Variants in MAST4 observed in about 807,000 individuals in gnomAD.
MAST4 encodes microtubule-associated serine/threonine-protein kinase 4.
MAST4 carries 89 observed loss-of-function variants against 162.7 expected under a neutral mutation model. The ratio of observed to expected loss-of-function variants is 0.55; its 90% CI spans 0.46 to 0.65. The LOEUF is 0.65. Ranked by LOEUF, MAST4 falls within the 30% of genes least tolerant of loss-of-function variation. The probability of loss-of-function intolerance (pLI) is 0.00; values close to 1 mark genes in which losing one functional copy is unlikely to be tolerated. For missense variants in MAST4, 3,153 were observed against 3,374.0 expected (o/e 0.93, Z 1.62); for synonymous variants, 1,479 against 1,361.1 (o/e 1.09, Z -1.91).
chr5:67,038,966 G>A (rs1442301864), intron 4 of MAST4, among the ~76,000 whole-genome samples: 1 of 152,064 alleles, frequency 6.6e-6, no homozygotes, highest in African/African-American at 2.4e-5. Context: ...AGAAAACACT[G>A]TTTCTTTTAT....
chr5:67,078,911 A>AATAT (rs750951069), intron 5 of MAST4, among the ~76,000 whole-genome samples: 382 of 37,978 alleles, frequency 0.01, 9 homozygotes, highest in African/African-American at 0.037. Context: ...TTTTTATATA[A>AATAT]ATATATATAT....
rs1561621626 is a variant in MAST4, at chr5:67,078,885, T to TA, written c.764-11277_764-11276insA. On this transcript the variant is annotated intron_variant, in intron 5 of 28. Coordinates refer to ENST00000403625, the MANE Select transcript of MAST4 (RefSeq NM_001164664.2). ...ATAAATATATATTTATATAAATATA[T>TA]TTATATATTTATATATTTTTATATA... Among the ~76,000 whole-genome samples, 449 of 92,334 alleles carry TA rather than the reference T, an allele frequency of 4.9e-3. 9 individuals are homozygous for TA. The highest frequency in any genetic ancestry group is 0.02 in the African/African-American group (408 of 20,832). 60.6% of individuals were successfully genotyped at this position (92,334 alleles called of 152,430 possible). A position where few individuals can be genotyped will look rare whatever the true frequency, so the allele number is the denominator to read the frequency against.
intron 1 of MAST4, among the ~76,000 whole-genome samples, chr5:66,660,035 G>T (rs1746801756): frequency 6.6e-6 from 1 of 151,416 alleles, no homozygotes; most frequent in South Asian, 2.1e-4. Flanking sequence ...ATTTTTTCTG[G>T]GTGTCTTAGG....
chr5:66,677,934 C>A (rs1419232669), intron 1 of MAST4, among the ~76,000 whole-genome samples: 2 of 152,114 alleles, frequency 1.3e-5, no homozygotes, highest in Non-Finnish European at 2.9e-5. Flanking sequence ...AATCCCTCCC[C>A]CTCCCCTTAA....
intron 3 of MAST4, among the ~76,000 whole-genome samples, chr5:66,892,069 G>A (rs1762397780): frequency 6.6e-6 from 1 of 152,184 alleles, no homozygotes; most frequent in Admixed American, 6.5e-5. Context: ...CAGAAGCCCT[G>A]AGCAAACATC....
At chr5:67,060,093 A>G (rs1383622464) in intron 5 of MAST4, among the ~76,000 whole-genome samples, 5 of 152,200 alleles carry the variant, frequency 3.3e-5, no homozygotes, top group Non-Finnish European at 7.3e-5. Context: ...GACATCATGT[A>G]CATTTTTTAA....
chr5:67,059,773 T>C (rs1165656690), intron 5 of MAST4, among the ~76,000 whole-genome samples: 3 of 146,842 alleles, frequency 2.0e-5, no homozygotes, highest in African/African-American at 7.5e-5. Flanking sequence ...TTATTAAAGA[T>C]AGGAAATATC....
chr5:66,635,972 T>TTTTTTTTTTTTC lies in MAST4; in HGVS notation c.363+38957_363+38958insTTTTTTTTCTTT, dbSNP rs1745090150. 4.7e-5 allele frequency among the ~76,000 whole-genome samples: 6 copies of TTTTTTTTTTTTC among 128,654 alleles called. No homozygotes were observed. The South Asian group carries it at 1.3e-3, about 28-fold the overall frequency. The allele number at this position is 128,654 out of a possible 152,430, so 84.4% of individuals were successfully genotyped here. On this transcript the variant is annotated intron_variant, in intron 1 of 28. Coordinates refer to ENST00000403625, the MANE Select transcript of MAST4 (RefSeq NM_001164664.2). ...TTTTTTTTTTTTTTTTTTTTTTTTT[T>TTTTTTTTTTTTC]TTTCGAGACAGAGTCTTGCTCTGTC...
intron 3 of MAST4, chr5:66,789,792 A>G (rs753034878): frequency 1.9e-6 from 1 of 517,634 alleles, no homozygotes; most frequent in South Asian, 1.4e-5. Context: ...AGCAATGCAA[A>G]TACGCTTTTC....
chr5:66,852,909 A>G (rs901158125), intron 3 of MAST4, among the ~76,000 whole-genome samples: 14 of 152,206 alleles, frequency 9.2e-5, no homozygotes, highest in African/African-American at 2.4e-5. Flanking sequence ...CTGAGGAGGA[A>G]GACTGTAGGA....
intron 5 of MAST4, among the ~76,000 whole-genome samples, chr5:67,055,336 G>T (rs1758666954): frequency 1.3e-5 from 2 of 152,192 alleles, no homozygotes; most frequent in South Asian, 4.1e-4. Flanking sequence ...TCAGGATTGT[G>T]AAGGATGAAG....
At chr5:67,126,603 A>T (rs1367834506) in intron 14 of MAST4, among the ~76,000 whole-genome samples, 2 of 152,058 alleles carry the variant, frequency 1.3e-5, no homozygotes, top group African/African-American at 4.8e-5. Flanking sequence ...ATTGGTCTGT[A>T]TATCTGTTTT....
At chr5:67,083,414 A>G (rs1385065385) in intron 5 of MAST4, among the ~76,000 whole-genome samples, 2 of 152,210 alleles carry the variant, frequency 1.3e-5, no homozygotes, top group African/African-American at 2.4e-5. Context: ...GATTTATAAT[A>G]GAGAATACCT....
intron 1 of MAST4, among the ~76,000 whole-genome samples, chr5:66,604,998 GA>G (rs1742788293): frequency 6.6e-6 from 1 of 152,210 alleles, no homozygotes; most frequent in African/African-American, 2.4e-5. Flanking sequence ...TTATGGTATT[GA>G]AATGGAATGA....
intron 4 of MAST4, among the ~76,000 whole-genome samples, chr5:66,957,781 G>C (rs761367979): frequency 6.6e-6 from 1 of 152,202 alleles, no homozygotes; most frequent in African/African-American, 2.4e-5. Flanking sequence ...AGGGCACAGA[G>C]CTGAGGGAGA....
intron 4 of MAST4, among the ~76,000 whole-genome samples, chr5:66,903,080 A>G (rs141245717): frequency 2.0e-5 from 3 of 152,338 alleles, no homozygotes; most frequent in African/African-American, 7.2e-5. Context: ...GATGGCATTT[A>G]TATTATAAAA....
At position 66,597,033 on chromosome 5, in the gene MAST4, A is replaced by G; in HGVS notation, c.363+15A>G. The stretch of plus-strand genomic sequence containing the variant: ...AGGACGAGGAGGTGGGCCTTTCCCC[A>G]GCTTGCCCACTCTGGGTTCCGGCAG... On this transcript the variant is annotated intron_variant, in intron 1 of 28. Coordinates refer to ENST00000403625, the MANE Select transcript of MAST4 (RefSeq NM_001164664.2). The G allele has an allele frequency of 7.1e-7, 1 of 1,416,246 alleles. No individual in the cohort carries two copies. The highest frequency in any genetic ancestry group is 3.1e-5 in the Admixed American group (1 of 32,132). 87.7% of individuals were successfully genotyped at this position (1,416,246 alleles called of 1,614,324 possible).
At chr5:67,099,783 T>C (rs1049899422) in intron 7 of MAST4, among the ~76,000 whole-genome samples, 1 of 151,842 alleles carries the variant, frequency 6.6e-6, no homozygotes, top group Non-Finnish European at 1.5e-5. Context: ...TCTACAGGCA[T>C]GGAACAAAAA....
chr5:66,744,457 A>G lies in MAST4; in HGVS notation c.364-15252A>G, dbSNP rs116091699. 5.6e-3 allele frequency among the ~76,000 whole-genome samples: 852 copies of G among 152,336 alleles called. 8 individuals carry two copies. The highest frequency in any genetic ancestry group is 0.019 in the African/African-American group (811 of 41,596). On this transcript the variant is annotated intron_variant, in intron 1 of 28. Transcript: ENST00000403625. ...GCTTAAACGTTATTTTATAAGAAGTATGTATTAGTTCTTGCACTGCTATAA... is the reference window on the plus strand; with the variant it reads ...GCTTAAACGTTATTTTATAAGAAGTGTGTATTAGTTCTTGCACTGCTATAA...
Sources: gnomAD v4.1 joint callset for allele counts (sites outside exome capture counted in the v4.1 genomes callset) on GRCh38, gnomAD v4.1.1 for gene constraint, MANE v1.5 for transcripts, NCBI Gene and HGNC (gene_info 2026-07-23, HGNC 2026-07-21) for gene names.